The following PPHLN1 variants were observed in gnomAD, a reference collection of about 807,000 sequenced individuals.
The protein encoded by PPHLN1 is periphilin 1, also known as periphilin-1.
PPHLN1 carries 29 observed loss-of-function variants against 51.3 expected under a neutral mutation model. The ratio of observed to expected loss-of-function variants is 0.57; its 90% CI spans 0.42 to 0.77. The LOEUF (loss-of-function observed/expected upper bound fraction) is 0.77, where lower values mean the gene tolerates loss of function less well. PPHLN1 is among the 30% of genes least tolerant of loss of function. PPHLN1 has a pLI of 0.00. For missense variants in PPHLN1, 436 were observed against 438.4 expected, an observed-to-expected ratio of 0.99 and a Z score of 0.05; for synonymous variants, 147 against 147.8, an observed-to-expected ratio of 0.99 and a Z score of 0.04.
At chr12:42,442,852 T>G, downstream of PPHLN1, 1 of 1,502,890 alleles carries the variant, frequency 6.7e-7, no homozygotes, top group East Asian at 2.3e-5. Context: ...ATAAAAGTAT[T>G]GAAACAACTG....
intron 2 of PPHLN1, 50 bp from the exon 3 acceptor site, chr12:42,351,835 C>T (rs2073403032): frequency 3.4e-6 from 5 of 1,473,242 alleles, no homozygotes; most frequent in African/African-American, 1.5e-5. Flanking sequence ...CTTTCCAAAA[C>T]CAAATAGAGA....
chr12:42,437,508 T>C (rs1332971293), intron 9 of PPHLN1, among the ~76,000 whole-genome samples: 2 of 152,184 alleles, frequency 1.3e-5, no homozygotes, highest in Non-Finnish European at 2.9e-5. Context: ...GTGATTATTT[T>C]TGGGAAAAAA....
At position 42,342,071 on chromosome 12, in the gene PPHLN1, T is replaced by G. The variant is rs556872220; in HGVS notation, c.72+6097T>G. Among the ~76,000 whole-genome samples, 20 of 152,336 alleles carry G rather than the reference T, an allele frequency of 1.3e-4. No homozygotes were observed. In the South Asian group the frequency reaches 3.7e-3, roughly 28 times the overall value. On this transcript the variant is annotated intron_variant, in intron 2 of 9. Transcript: ENST00000358314. ...GATTTTGTATGTAAATATATATGCT[T>G]CTTCTATAGGAAGGAAATCAGTCAC...
At chr12:42,382,805 A>G (rs539916715) in intron 5 of PPHLN1, among the ~76,000 whole-genome samples, 1 of 152,358 alleles carries the variant, frequency 6.6e-6, no homozygotes, top group Admixed American at 6.5e-5. Flanking sequence ...GCAAAATATT[A>G]AGAAAAACTT....
At chr12:42,446,558 C>T (rs967026232), downstream of PPHLN1, 9 of 1,609,736 alleles carry the variant, frequency 5.6e-6, no homozygotes, top group South Asian at 1.1e-5. Flanking sequence ...ACTAATTATA[C>T]TCATGTTTGT....
chr12:42,394,854 C>T (rs557001108), intron 8 of PPHLN1, among the ~76,000 whole-genome samples: 17 of 152,084 alleles, frequency 1.1e-4, no homozygotes, highest in East Asian at 3.9e-4. Flanking sequence ...AATAATGTTT[C>T]TACATTAATC....
At chr12:42,376,981 T>A (rs1369489972) in intron 5 of PPHLN1, among the ~76,000 whole-genome samples, 2 of 152,116 alleles carry the variant, frequency 1.3e-5, no homozygotes, top group Non-Finnish European at 2.9e-5. Context: ...CTTAAGAAGA[T>A]AAACAATCTG....
At chr12:42,411,188 T>A in intron 9 of PPHLN1, among the ~76,000 whole-genome samples, 1 of 152,152 alleles carries the variant, frequency 6.6e-6, no homozygotes, top group East Asian at 1.9e-4. Flanking sequence ...TGTGAAAGAC[T>A]ATCTCTAAGT....
At chr12:42,381,127 G>T (rs1470092232) in intron 5 of PPHLN1, among the ~76,000 whole-genome samples, 3 of 152,140 alleles carry the variant, frequency 2.0e-5, no homozygotes, top group Non-Finnish European at 4.4e-5. Context: ...AACATTTTAG[G>T]CCATCACTTG....
In PPHLN1 at chr12:42,404,288, G is replaced by T. The variant is rs150312450; in HGVS notation, c.909+5294G>T. On this transcript the variant is annotated intron_variant, in intron 9 of 9. Transcript: ENST00000358314. ...TCACGCCTGTAATCCCAGCACTTTG[G>T]GGGGCCCAGGCGGGTGGATCACTTG... Among the ~76,000 whole-genome samples, 14 of 152,210 alleles carry T rather than the reference G, an allele frequency of 9.2e-5. No homozygotes were observed. In the East Asian group the frequency reaches 2.5e-3, roughly 27 times the overall value.
Position 42,335,972 on chromosome 12 carries a change from A to G in PPHLN1, c.70A>G (p.Ser24Gly), listed in dbSNP as rs748701509. 4.7e-5 allele frequency: 74 copies of G among 1,568,218 alleles called. No individual in the cohort carries two copies. Among genetic ancestry groups the G allele is most frequent in the Non-Finnish European group, 6.3e-5 (73 of 1,153,164 alleles). Reference protein sequence around the residue: ...RERAPPRSHPSDGYNRLVNIV... With the variant: ...RERAPPRSHPGDGYNRLVNIV... ...ACGAGCACCTCCTCGAAGTCATCCC[A>G]GTGTAAGTTACTCCTACATATTGAA... The change falls in exon 2 of 10, where the codon AGT (serine) becomes GGT (glycine). Residue 24 changes from serine to glycine, a missense_variant and splice_region_variant. Ser to Gly is a moderately conservative substitution (Grantham distance 56, BLOSUM62 0). Transcript: ENST00000358314.
intron 9 of PPHLN1, among the ~76,000 whole-genome samples, chr12:42,418,717 T>A (rs2080703164): frequency 6.6e-6 from 1 of 152,202 alleles, no homozygotes; most frequent in Admixed American, 6.5e-5. Flanking sequence ...TCTAAGTAGT[T>A]CTCCATCATT....
chr12:42,393,209 C>T (rs1264031034), intron 7 of PPHLN1, among the ~76,000 whole-genome samples: 1 of 152,122 alleles, frequency 6.6e-6, no homozygotes, highest in African/African-American at 2.4e-5. Flanking sequence ...TTAGACATTA[C>T]TTATTTCATT....
At chr12:42,378,825 A>G (rs1003274194) in intron 5 of PPHLN1, among the ~76,000 whole-genome samples, 8 of 152,034 alleles carry the variant, frequency 5.3e-5, no homozygotes, top group Admixed American at 4.6e-4. Flanking sequence ...TCTACATCCA[A>G]CTTGTTTTCA....
intron 9 of PPHLN1, among the ~76,000 whole-genome samples, chr12:42,417,559 T>G (rs2080504976): frequency 6.6e-6 from 1 of 152,110 alleles, no homozygotes; most frequent in Non-Finnish European, 1.5e-5. Flanking sequence ...TAATTGCAGT[T>G]TTGGACTTTT....
chr12:42,398,600 G>A (rs536135205), intron 8 of PPHLN1: 15 of 300,774 alleles, frequency 5.0e-5, no homozygotes, highest in East Asian at 3.8e-4. Context: ...GAAGATTAGC[G>A]TGGCCCCTGC....
intron 8 of PPHLN1, among the ~76,000 whole-genome samples, chr12:42,396,615 CA>C (rs60131845): frequency 3.0e-3 from 252 of 85,398 alleles, no homozygotes; most frequent in African/African-American, 0.012. Flanking sequence ...CTTGTCACTA[CA>C]AAAAAAAAAA....
downstream of PPHLN1, chr12:42,443,056 TAG>T: frequency 3.9e-6 from 1 of 254,480 alleles, no homozygotes; most frequent in South Asian, 5.9e-5. Context: ...TTATGGGCCT[TAG>T]TTAAGGCTAC....
At chr12:42,365,503 C>G (rs7977710) in intron 4 of PPHLN1, among the ~76,000 whole-genome samples, 4,330 of 152,158 alleles carry the variant, frequency 0.028, 223 homozygotes, top group African/African-American at 0.099. Flanking sequence ...GTTCTATCAC[C>G]GCTTACCTGG....
Sources: gnomAD v4.1 joint callset for allele counts (sites outside exome capture counted in the v4.1 genomes callset) on GRCh38, gnomAD v4.1.1 for gene constraint, MANE v1.5 for transcripts, NCBI Gene and HGNC (gene_info 2026-07-23, HGNC 2026-07-21) for gene names.